FHOD3: variants seen among roughly 807,000 people sequenced by gnomAD.
FHOD3 encodes the protein FH1/FH2 domain-containing protein 3.
In FHOD3, 90 loss-of-function variants were observed where a neutral mutation model predicts 173.0. The observed-to-expected ratio is 0.52, with a 90% CI of 0.44 to 0.62. The LOEUF is 0.62. Among genes scored for constraint, FHOD3 ranks in the 20% least tolerant of loss-of-function variants. The pLI is 0.00. For missense variants in FHOD3, 1,945 were observed against 2,034.7 expected (o/e 0.96, Z 0.85); for synonymous variants, 828 against 823.0 (o/e 1.01, Z -0.10).
At chr18:36,365,703 AACG>A (rs2046866244) in intron 2 of FHOD3, among the ~76,000 whole-genome samples, 1 of 152,216 alleles carries the variant, frequency 6.6e-6, no homozygotes, top group South Asian at 2.1e-4. Flanking sequence ...GCTTACAAAA[AACG>A]TGTAAGGGAA....
intron 5 of FHOD3, among the ~76,000 whole-genome samples, chr18:36,544,163 G>A (rs2057329676): frequency 6.6e-6 from 1 of 152,204 alleles, no homozygotes; most frequent in Non-Finnish European, 1.5e-5. Flanking sequence ...TAGAGCAGCT[G>A]CGGGTTAGAA....
chr18:36,373,540 G>A (rs1163267097), intron 3 of FHOD3, among the ~76,000 whole-genome samples: 1 of 152,182 alleles, frequency 6.6e-6, no homozygotes, highest in Admixed American at 6.5e-5. Flanking sequence ...GAGACCCAGG[G>A]CTGGAGATGG....
intron 3 of FHOD3, among the ~76,000 whole-genome samples, chr18:36,382,568 A>G (rs1361235740): frequency 6.6e-6 from 1 of 152,232 alleles, no homozygotes; most frequent in African/African-American, 2.4e-5. Flanking sequence ...CTAGAAGGTC[A>G]GAGGCAAAAA....
At chr18:36,453,641 A>C (rs780589316) in intron 3 of FHOD3, among the ~76,000 whole-genome samples, 1 of 152,226 alleles carries the variant, frequency 6.6e-6, no homozygotes, top group Non-Finnish European at 1.5e-5. Flanking sequence ...TCCAGAGTCC[A>C]AGGCATGATG....
At chr18:36,464,901 T>C (rs1213479096) in intron 3 of FHOD3, among the ~76,000 whole-genome samples, 1 of 152,210 alleles carries the variant, frequency 6.6e-6, no homozygotes, top group Non-Finnish European at 1.5e-5. Flanking sequence ...CAGGGATAGC[T>C]GCCCTTCAGT....
At chr18:36,430,314 T>C (rs919305875) in intron 3 of FHOD3, among the ~76,000 whole-genome samples, 1 of 152,150 alleles carries the variant, frequency 6.6e-6, no homozygotes, top group Non-Finnish European at 1.5e-5. Context: ...CCTCCCGAGT[T>C]CAAGCGATTC....
chr18:36,317,915 G>T (rs1366713340), intron 1 of FHOD3, among the ~76,000 whole-genome samples: 6 of 152,186 alleles, frequency 3.9e-5, no homozygotes. Context: ...AAGGTATAAG[G>T]AAGGGATCCA....
chr18:36,562,015 TG>T (rs2058102050), intron 5 of FHOD3, among the ~76,000 whole-genome samples: 1 of 146,478 alleles, frequency 6.8e-6, no homozygotes, highest in Non-Finnish European at 1.5e-5. Flanking sequence ...TGTATTGTAT[TG>T]TATTGTATTG....
At position 36,368,087 on chromosome 18, in the gene FHOD3, C is replaced by T. The variant is rs191010245; in HGVS notation, c.273-4593C>T. On this transcript the variant is annotated intron_variant, in intron 2 of 28. Coordinates refer to ENST00000590592, the MANE Select transcript of FHOD3 (RefSeq NM_001281740.3). ...GCAGTTCTTTAGAGCAGTGTGAAAA[C>T]GGACCAGCTCCTATTCTCTCTCTCT... 3.9e-5 allele frequency among the ~76,000 whole-genome samples: 6 copies of T among 151,986 alleles called. No homozygotes were observed. In the East Asian group the frequency reaches 7.8e-4, roughly 20 times the overall value.
intron 14 of FHOD3, among the ~76,000 whole-genome samples, chr18:36,676,459 A>C (rs2037862101): frequency 6.6e-6 from 1 of 152,248 alleles, no homozygotes; most frequent in Non-Finnish European, 1.5e-5. Flanking sequence ...ACCACTAGCA[A>C]GCAATAAAAA....
intron 1 of FHOD3, among the ~76,000 whole-genome samples, chr18:36,324,564 A>G (rs1183353337): frequency 6.6e-6 from 1 of 152,236 alleles, no homozygotes; most frequent in African/African-American, 2.4e-5. Context: ...GTCCAATAGA[A>G]AAATGGGGAA....
intron 3 of FHOD3, 64 bp downstream of exon 3, chr18:36,372,808 T>C: frequency 1.4e-6 from 2 of 1,401,108 alleles, no homozygotes; most frequent in South Asian, 2.4e-5. Flanking sequence ...GGGAATAAAA[T>C]AAAGATTCAC....
At chr18:36,627,752 G>A (rs1282835417) in intron 10 of FHOD3, among the ~76,000 whole-genome samples, 1 of 152,166 alleles carries the variant, frequency 6.6e-6, no homozygotes, top group Non-Finnish European at 1.5e-5. Flanking sequence ...TGAGGTGGGA[G>A]TGCGATAGTG....
intron 5 of FHOD3, among the ~76,000 whole-genome samples, chr18:36,573,940 C>T (rs572272135): frequency 1.3e-5 from 2 of 152,140 alleles, no homozygotes; most frequent in Non-Finnish European, 2.9e-5. Context: ...CTTCGAGGCT[C>T]TTAGTATAAA....
chr18:36,354,814 A>T (rs35230429), intron 1 of FHOD3, among the ~76,000 whole-genome samples: 44,297 of 150,520 alleles, frequency 0.29, 6,907 homozygotes, highest in African/African-American at 0.39. Flanking sequence ...GCCAAAAAAA[A>T]AAAAATAAAA....
At chr18:36,438,807 C>A (rs183271963) in intron 3 of FHOD3, among the ~76,000 whole-genome samples, 4 of 152,342 alleles carry the variant, frequency 2.6e-5, no homozygotes, top group Admixed American at 6.5e-5. Context: ...TCTAGCTCAT[C>A]TTCCACATTG....
At chr18:36,653,091 A>G (rs2036177331) in intron 12 of FHOD3, among the ~76,000 whole-genome samples, 162 bp downstream of exon 12, 1 of 152,224 alleles carries the variant, frequency 6.6e-6, no homozygotes, top group African/African-American at 2.4e-5. Flanking sequence ...CCCCTGACTA[A>G]ATAATGACCA....
At chr18:36,705,856 C>T (rs1158202298) in intron 17 of FHOD3, among the ~76,000 whole-genome samples, 1 of 152,058 alleles carries the variant, frequency 6.6e-6, no homozygotes, top group Non-Finnish European at 1.5e-5. Flanking sequence ...TGGTTTCTCC[C>T]GTTTCCTCGG....
chr18:36,400,868 G>GAA (rs2048774814), intron 3 of FHOD3, among the ~76,000 whole-genome samples: 1 of 151,952 alleles, frequency 6.6e-6, no homozygotes, highest in South Asian at 2.1e-4. Flanking sequence ...GGTCACAAAA[G>GAA]AAAAAAAGGA....
Sources: gnomAD v4.1 joint callset for allele counts (sites outside exome capture counted in the v4.1 genomes callset) on GRCh38, gnomAD v4.1.1 for gene constraint, MANE v1.5 for transcripts, NCBI Gene and HGNC (gene_info 2026-07-23, HGNC 2026-07-21) for gene names.